Variants in PPFIA2 observed in about 807,000 individuals in gnomAD.
PPFIA2 encodes the protein liprin-alpha-2.
In PPFIA2, 46 loss-of-function variants were observed where a neutral mutation model predicts 175.5. The observed-to-expected ratio is 0.26, with a 90% confidence interval of 0.21 to 0.34. The LOEUF (loss-of-function observed/expected upper bound fraction) is 0.34. Ranked by LOEUF, PPFIA2 falls within the 10% of genes least tolerant of loss-of-function variation. The probability of loss-of-function intolerance (pLI) is 1.00; values close to 1 mark genes in which losing one functional copy is unlikely to be tolerated. For synonymous variants in PPFIA2, 568 were observed against 511.4 expected, an observed-to-expected ratio of 1.11 and a Z score of -1.49; for missense variants, 1,179 against 1,506.1, an observed-to-expected ratio of 0.78 and a Z score of 3.60.
rs71466026 is a variant in PPFIA2 at position 81,636,737 on chromosome 12, C to T, written c.303+40054G>A. ...GCGCAAGCTCAGCTCGCTGCAACCTCTGCCTCCCAGGTTCAAGTGATTCTT... is the reference window on the plus strand; with the variant it reads ...GCGCAAGCTCAGCTCGCTGCAACCTTTGCCTCCCAGGTTCAAGTGATTCTT... On this transcript the variant is annotated intron_variant, in intron 4 of 32. Coordinates refer to ENST00000549396, the MANE Select transcript of PPFIA2 (RefSeq NM_003625.5). 2.0e-5 allele frequency among the ~76,000 whole-genome samples: 3 copies of T among 152,150 alleles called. No individual in the cohort carries two copies. The East Asian group carries it at 5.8e-4, about 29-fold the overall frequency.
At chr12:81,605,693 A>ATCTATCTATCTATCTATCTATCTC (rs55909659) in intron 4 of PPFIA2, among the ~76,000 whole-genome samples, 1 of 145,546 alleles carries the variant, frequency 6.9e-6, no homozygotes, top group Non-Finnish European at 1.5e-5. Flanking sequence ...CTATCTATCT[A>ATCTATCTATCTATCTATCTATCTC]ATCTGTCTAT....
chr12:81,289,986 AT>A (rs921173141), intron 24 of PPFIA2, among the ~76,000 whole-genome samples: 1 of 151,822 alleles, frequency 6.6e-6, no homozygotes, highest in Admixed American at 6.6e-5. Flanking sequence ...TATATGTGAC[AT>A]TTAAATTTTC....
chr12:81,566,875 T>A (rs1056502413), intron 4 of PPFIA2, among the ~76,000 whole-genome samples: 22 of 152,252 alleles, frequency 1.4e-4, no homozygotes, highest in African/African-American at 5.3e-4. Flanking sequence ...CTGACATAGA[T>A]GTATATCAGT....
Position 81,353,264 on chromosome 12 carries a change from C to T in PPFIA2, c.1849G>A (p.Asp617Asn). ...TCATCAATATCAGACATTTCAGTGT[C>T]ACTTTCAAAAGGGTGGCTGCTTAGT... ...GVLSSHPFES[D>N]TEMSDIDDDD... Residue 617 changes from aspartate to asparagine, a missense_variant, in exon 17 of 33, where the codon GAC becomes AAC. Asp to Asn is a conservative substitution (Grantham distance 23, BLOSUM62 1). Around this residue, in one of 10 missense-constraint regions of PPFIA2, gnomAD observed 186 missense variants for 163.6 expected, o/e 1.14. Coordinates refer to ENST00000549396, the MANE Select transcript of PPFIA2 (RefSeq NM_003625.5). 6.2e-7 allele frequency: 1 copy of T among 1,613,746 alleles called. No individual in the cohort carries two copies. Among genetic ancestry groups the T allele is most frequent in the Non-Finnish European group, 8.5e-7 (1 of 1,179,802 alleles).
intron 20 of PPFIA2, 118 bp from the exon 21 acceptor site, chr12:81,339,452 A>G: frequency 2.4e-6 from 2 of 829,170 alleles, no homozygotes; most frequent in Non-Finnish European, 3.3e-6. Flanking sequence ...TTTTTCCCCT[A>G]TTTTCCCATG....
rs75277748 is a variant in PPFIA2 at position 81,702,838 on chromosome 12, A to C, written c.250-25994T>G. On this transcript the variant is annotated intron_variant, in intron 3 of 32. Coordinates refer to ENST00000549396, the MANE Select transcript of PPFIA2 (RefSeq NM_003625.5). ...AGCCCCTATTATCAAACTAGTGCCC[A>C]TATAAAACAGGAAAGTGGCACTGGA... is the stretch of plus-strand genomic sequence containing the variant. Among the ~76,000 whole-genome samples, 81 of 152,256 alleles carry C rather than the reference A, an allele frequency of 5.3e-4. No individual in the cohort carries two copies. The East Asian group carries it at 0.014, about 25-fold the overall frequency.
chr12:81,548,181 G>A (rs967989431), intron 4 of PPFIA2, among the ~76,000 whole-genome samples: 3 of 152,046 alleles, frequency 2.0e-5, no homozygotes, highest in Non-Finnish European at 4.4e-5. Flanking sequence ...CCCAAGATTC[G>A]TTGACTCCAA....
At chr12:81,663,450 G>T (rs1277901788) in intron 4 of PPFIA2, among the ~76,000 whole-genome samples, 1 of 152,134 alleles carries the variant, frequency 6.6e-6, no homozygotes, top group Non-Finnish European at 1.5e-5. Flanking sequence ...TTGCTTCAAA[G>T]ATAATAAAAT....
intron 4 of PPFIA2, among the ~76,000 whole-genome samples, chr12:81,626,520 A>T (rs963511854): frequency 6.6e-6 from 1 of 152,026 alleles, no homozygotes; most frequent in Admixed American, 6.6e-5. Context: ...ATATGAATAG[A>T]ATTTATCTCT....
chr12:81,539,651 A>G (rs985882384), intron 4 of PPFIA2, among the ~76,000 whole-genome samples: 1 of 151,910 alleles, frequency 6.6e-6, no homozygotes, highest in Non-Finnish European at 1.5e-5. Flanking sequence ...GTAGAGGGGC[A>G]GTAGAATTTG....
intron 4 of PPFIA2, among the ~76,000 whole-genome samples, chr12:81,511,344 T>A (rs2061772789): frequency 6.6e-6 from 1 of 152,002 alleles, no homozygotes; most frequent in African/African-American, 2.4e-5. Flanking sequence ...GGAAAATTAT[T>A]AAGAAAATAA....
chr12:81,361,883 C>T (rs2030620653), intron 15 of PPFIA2, among the ~76,000 whole-genome samples: 1 of 151,514 alleles, frequency 6.6e-6, no homozygotes, highest in Non-Finnish European at 1.5e-5. Flanking sequence ...AAATAAGTGA[C>T]TAAATGAGTG....
intron 7 of PPFIA2, among the ~76,000 whole-genome samples, chr12:81,432,091 A>G (rs768899737): frequency 7.5e-6 from 1 of 133,444 alleles, no homozygotes; most frequent in Non-Finnish European, 1.5e-5. Flanking sequence ...GTTTACTGTG[A>G]TAAAACAAGA....
intron 4 of PPFIA2, among the ~76,000 whole-genome samples, chr12:81,509,497 TA>T (rs1410396040): frequency 3.3e-5 from 5 of 152,184 alleles, no homozygotes; most frequent in African/African-American, 1.2e-4. Flanking sequence ...CCAAGGAGAT[TA>T]GGGGCCTTGG....
At chr12:81,293,782 G>A (rs982016170) in intron 24 of PPFIA2, among the ~76,000 whole-genome samples, 4 of 151,978 alleles carry the variant, frequency 2.6e-5, no homozygotes, top group Admixed American at 6.6e-5. Context: ...AAGTAATCTC[G>A]CTACTTAGTA....
intron 4 of PPFIA2, among the ~76,000 whole-genome samples, chr12:81,653,233 A>G (rs946910599): frequency 6.6e-6 from 1 of 152,152 alleles, no homozygotes; most frequent in Admixed American, 6.6e-5. Context: ...CATTTTCCAT[A>G]GTACTTGGAA....
intron 24 of PPFIA2, among the ~76,000 whole-genome samples, chr12:81,284,679 T>G (rs1302534771): frequency 6.6e-6 from 1 of 152,178 alleles, no homozygotes; most frequent in Non-Finnish European, 1.5e-5. Flanking sequence ...ATTTTAATTT[T>G]TTACTCAGAA....
intron 4 of PPFIA2, chr12:81,512,517 G>T: frequency 3.5e-5 from 13 of 367,474 alleles, no homozygotes; most frequent in East Asian, 1.1e-4. Flanking sequence ...TCTCAAAAAT[G>T]TTTAATTTCT....
chr12:81,415,704 A>C (rs1285603273), intron 7 of PPFIA2, among the ~76,000 whole-genome samples: 1 of 102,936 alleles, frequency 9.7e-6, no homozygotes. Context: ...TTCCAATAGC[A>C]AAAAAAAAAA....
Sources: allele counts gnomAD v4.1 joint callset (sites outside exome capture counted in the v4.1 genomes callset), GRCh38; gene constraint gnomAD v4.1.1; regional missense constraint gnomAD v4.1.1; transcripts MANE v1.5; gene names NCBI Gene and HGNC (gene_info 2026-07-23, HGNC 2026-07-21).